The following ZBTB8A variants were observed in gnomAD, a reference collection of about 807,000 sequenced individuals.
The protein encoded by ZBTB8A is zinc finger and BTB domain containing 8A.
A neutral mutation model predicts 37.8 loss-of-function variants in ZBTB8A; 19 were observed. That is an observed-to-expected ratio of 0.50 (90% CI 0.35 to 0.74). The LOEUF (loss-of-function observed/expected upper bound fraction) is 0.74. ZBTB8A is among the 30% of genes least tolerant of loss of function. The pLI, the probability that ZBTB8A is intolerant of heterozygous loss-of-function variation, is 0.01. For synonymous variants in ZBTB8A, 181 were observed against 185.2 expected, an observed-to-expected ratio of 0.98 and a Z score of 0.19; for missense variants, 394 against 537.8, an observed-to-expected ratio of 0.73 and a Z score of 2.65.
At chr1:32,573,737 A>ACTT (rs1212494698) in intron 2 of ZBTB8A, among the ~76,000 whole-genome samples, 1 of 107,086 alleles carries the variant, frequency 9.3e-6, no homozygotes, top group African/African-American at 4.2e-5. Flanking sequence ...CCCAGCTAAA[A>ACTT]CTTTTTTTTT....
chr1:32,544,688 C>A (rs2148211254), intron 1 of ZBTB8A, among the ~76,000 whole-genome samples: 1 of 152,238 alleles, frequency 6.6e-6, no homozygotes. Context: ...TAGAGCAAGA[C>A]TTTGTCTACA....
In ZBTB8A at chr1:32,572,395, G is replaced by GT. The variant is rs1020692570; in HGVS notation, c.-2+18865dup. On this transcript the variant is annotated intron_variant, in intron 2 of 4. Transcript: ENST00000373510. ...ATTTTTAATTTTTTTCTTGTATTAGGTTTTTTTTTTCTTTTTTTGAGACAG... is the reference window on the plus strand; with the variant it reads ...ATTTTTAATTTTTTTCTTGTATTAGGTTTTTTTTTTTCTTTTTTTGAGACAG... Among the ~76,000 whole-genome samples, 206 of 147,812 alleles carry GT rather than the reference G, an allele frequency of 1.4e-3. 1 individual carries two copies. The highest frequency in any genetic ancestry group is 9.6e-3 in the East Asian group (49 of 5,096).
intron 2 of ZBTB8A, among the ~76,000 whole-genome samples, chr1:32,562,124 T>G (rs1644248210): frequency 6.7e-6 from 1 of 149,650 alleles, no homozygotes; most frequent in Non-Finnish European, 1.5e-5. Context: ...TTTGTTTGTT[T>G]TTTTTTTTTT....
intron 4 of ZBTB8A, among the ~76,000 whole-genome samples, chr1:32,597,872 C>G (rs1214752453): frequency 6.6e-6 from 1 of 151,922 alleles, no homozygotes; most frequent in Non-Finnish European, 1.5e-5. Flanking sequence ...GCCTTGGCCT[C>G]CCGAGTAGCT....
chr1:32,563,921 G>GCCTCT (rs1644261828), intron 2 of ZBTB8A, among the ~76,000 whole-genome samples: 3 of 152,116 alleles, frequency 2.0e-5, no homozygotes, highest in Non-Finnish European at 4.4e-5. Flanking sequence ...AAAGAGGATG[G>GCCTCT]GGAGTACATC....
rs1318108486 is a variant in ZBTB8A, at chr1:32,594,984, G to A, written c.824-70G>A. The stretch of plus-strand genomic sequence containing the variant: ...TCTTTCCTTGTTTCCATTGGGCTTG[G>A]ATTGGATTCTTTCTGTTATTAGAAT... On this transcript the variant is annotated intron_variant, in intron 3 of 4. Transcript: ENST00000373510. 30 of 1,360,444 alleles carry A rather than the reference G, an allele frequency of 2.2e-5. No homozygotes were observed. In the Admixed American group the frequency reaches 7.1e-4, roughly 32 times the overall value. The allele number at this position is 1,360,444 out of a possible 1,614,324, so 84.3% of individuals were successfully genotyped here. A position where few individuals can be genotyped will look rare whatever the true frequency, so the allele number is the denominator to read the frequency against.
chr1:32,542,256 A>G (rs1209473545), intron 1 of ZBTB8A, among the ~76,000 whole-genome samples: 1 of 151,668 alleles, frequency 6.6e-6, no homozygotes, highest in African/African-American at 2.4e-5. Flanking sequence ...ATATATCTTA[A>G]AAGAGTTGAT....
chr1:32,555,714 A>C (rs116890086), intron 2 of ZBTB8A, among the ~76,000 whole-genome samples: 1 of 151,992 alleles, frequency 6.6e-6, no homozygotes, highest in Non-Finnish European at 1.5e-5. Flanking sequence ...TTACTCCTCT[A>C]TCTTCAACTC....
Position 32,601,072 on chromosome 1 carries a change from A to G in ZBTB8A, c.*653A>G, listed in dbSNP as rs1644572101. On this transcript the variant is annotated 3_prime_UTR_variant, in exon 5 of 5. Coordinates refer to ENST00000373510, the MANE Select transcript of ZBTB8A (RefSeq NM_001040441.3). ...TATTGTTAAAAAAAAAAAAAAGTAG[A>G]GGCTGGCCAAAGATTATATACAGAT... The G allele has an allele frequency of 6.6e-6, 1 of 151,758 alleles. No homozygotes were observed. Among genetic ancestry groups the G allele is most frequent in the Non-Finnish European group, 1.5e-5 (1 of 67,990 alleles). 9.4% of individuals were successfully genotyped at this position (151,758 alleles called of 1,614,324 possible).
At chr1:32,543,192 T>G (rs755786550) in intron 1 of ZBTB8A, among the ~76,000 whole-genome samples, 3 of 152,100 alleles carry the variant, frequency 2.0e-5, no homozygotes, top group Admixed American at 6.6e-5. Context: ...CAAGCAATTC[T>G]CCTACCTCAG....
intron 2 of ZBTB8A, among the ~76,000 whole-genome samples, chr1:32,567,651 G>C (rs1435473613): frequency 6.7e-6 from 1 of 150,274 alleles, no homozygotes; most frequent in Non-Finnish European, 1.5e-5. Flanking sequence ...TATTATCCTG[G>C]TGTGATGGTG....
Position 32,567,825 on chromosome 1 carries a change from A to AAAACAAACAAAAAC in ZBTB8A, c.-2+14288_-2+14289insCAAACAAAAACAAA, listed in dbSNP as rs1553178099. 7.4e-4 allele frequency among the ~76,000 whole-genome samples: 47 copies of AAAACAAACAAAAAC among 63,696 alleles called. 8 individuals are homozygous for AAAACAAACAAAAAC. Among genetic ancestry groups the AAAACAAACAAAAAC allele is most frequent in the African/African-American group, 1.7e-3 (24 of 14,022 alleles). 41.8% of individuals were successfully genotyped at this position (63,696 alleles called of 152,430 possible). On this transcript the variant is annotated intron_variant, in intron 2 of 4. Coordinates refer to ENST00000373510, the MANE Select transcript of ZBTB8A (RefSeq NM_001040441.3). ...AAAAAAAAAAAAAAAAAAAAAAAAC[A>AAAACAAACAAAAAC]AAAACAAAACAAAACAAAAAAAAGA...
chr1:32,541,814 G>A (rs532788641), intron 1 of ZBTB8A, among the ~76,000 whole-genome samples: 1 of 152,234 alleles, frequency 6.6e-6, no homozygotes, highest in South Asian at 2.1e-4. Context: ...CAGAGTCTTC[G>A]TGGCCCAATC....
At chr1:32,565,256 A>C (rs552931212) in intron 2 of ZBTB8A, among the ~76,000 whole-genome samples, 1 of 152,044 alleles carries the variant, frequency 6.6e-6, no homozygotes, top group Admixed American at 6.5e-5. Flanking sequence ...AGCCCAGGAC[A>C]CTGAGGCTGC....
chr1:32,561,075 AC>A (rs1346710350), intron 2 of ZBTB8A, among the ~76,000 whole-genome samples: 1 of 53,912 alleles, frequency 1.9e-5, no homozygotes, highest in Non-Finnish European at 4.0e-5. Context: ...AATGTCCCCC[AC>A]CCCCACCCCA....
chr1:32,549,060 C>T (rs1557701057), intron 1 of ZBTB8A, among the ~76,000 whole-genome samples: 1 of 151,852 alleles, frequency 6.6e-6, no homozygotes, highest in African/African-American at 2.4e-5. Context: ...GTATGGTGGC[C>T]CGCACCTGTA....
At chr1:32,573,237 A>ATTT (rs35060623) in intron 2 of ZBTB8A, among the ~76,000 whole-genome samples, 2 of 128,500 alleles carry the variant, frequency 1.6e-5, no homozygotes, top group African/African-American at 5.7e-5. Flanking sequence ...CACCCGGCTA[A>ATTT]TTTTTTTTTT....
intron 4 of ZBTB8A, 133 bp downstream of exon 4, chr1:32,595,356 C>G: frequency 2.4e-6 from 2 of 848,228 alleles, no homozygotes; most frequent in South Asian, 3.4e-5. Context: ...CAACCTCTGC[C>G]TCCCGGGTTC....
At chr1:32,584,790 G>T (rs946275196) in intron 2 of ZBTB8A, among the ~76,000 whole-genome samples, 1 of 151,600 alleles carries the variant, frequency 6.6e-6, no homozygotes, top group African/African-American at 2.4e-5. Context: ...AAAGTGCCGC[G>T]ATTAGAGGTG....
Sources: gnomAD v4.1 joint callset for allele counts (sites outside exome capture counted in the v4.1 genomes callset) on GRCh38, gnomAD v4.1.1 for gene constraint, MANE v1.5 for transcripts, NCBI Gene and HGNC (gene_info 2026-07-23, HGNC 2026-07-21) for gene names.